Variants in TMEM108 observed in about 807,000 individuals in gnomAD.
TMEM108 encodes the protein cancer/testis antigen 124.
A neutral mutation model predicts 35.1 loss-of-function variants in TMEM108; 12 were observed. The ratio of observed to expected loss-of-function variants is 0.34; its 90% CI spans 0.22 to 0.55. TMEM108 has a LOEUF of 0.55. TMEM108 is among the 20% of genes least tolerant of loss of function. TMEM108 has a pLI of 0.89. For synonymous variants in TMEM108, 287 were observed against 308.6 expected (o/e 0.93, Z 0.73); for missense variants, 680 against 753.3 (o/e 0.90, Z 1.14).
intron 3 of TMEM108, among the ~76,000 whole-genome samples, chr3:133,370,213 A>C (rs2072618510): frequency 6.9e-6 from 1 of 145,382 alleles, no homozygotes; most frequent in Non-Finnish European, 1.5e-5. Context: ...ACCACATTAC[A>C]TTTAGTCTTC....
intron 2 of TMEM108, among the ~76,000 whole-genome samples, chr3:133,200,949 T>G (rs183143238): frequency 1.3e-3 from 193 of 152,314 alleles, no homozygotes; most frequent in African/African-American, 4.3e-3. Context: ...TATAGAACAT[T>G]TCTATCATCA....
intron 2 of TMEM108, among the ~76,000 whole-genome samples, chr3:133,081,392 T>C (rs1943808699): frequency 6.6e-6 from 1 of 152,202 alleles, no homozygotes; most frequent in African/African-American, 2.4e-5. Flanking sequence ...ATAAAGGCAC[T>C]AATCTCATCA....
chr3:133,140,863 A>G (rs1944631426), intron 2 of TMEM108, among the ~76,000 whole-genome samples: 1 of 152,112 alleles, frequency 6.6e-6, no homozygotes, highest in Non-Finnish European at 1.5e-5. Context: ...ATTTTTAATA[A>G]TTATATATTG....
intron 2 of TMEM108, among the ~76,000 whole-genome samples, chr3:133,118,567 A>G (rs1339103933): frequency 6.6e-6 from 1 of 152,196 alleles, no homozygotes; most frequent in Non-Finnish European, 1.5e-5. Context: ...TTTACTGAGA[A>G]ATAAAAATTT....
intron 2 of TMEM108, among the ~76,000 whole-genome samples, chr3:133,107,486 G>GTGTGTGTT (rs1245731388): frequency 6.7e-6 from 1 of 148,956 alleles, no homozygotes; most frequent in African/African-American, 2.5e-5. Flanking sequence ...GTGTGTGTGT[G>GTGTGTGTT]TGTGTGTGTG....
chr3:133,138,302 A>G (rs1047160739), intron 2 of TMEM108, among the ~76,000 whole-genome samples: 1 of 152,154 alleles, frequency 6.6e-6, no homozygotes, highest in African/African-American at 2.4e-5. Flanking sequence ...CTTACCCCAC[A>G]AGGAATGACT....
chr3:133,102,670 G>A (rs758828550), intron 2 of TMEM108, among the ~76,000 whole-genome samples: 13 of 152,198 alleles, frequency 8.5e-5, no homozygotes, highest in Non-Finnish European at 1.5e-4. Flanking sequence ...TCTTTAGCAA[G>A]TGGTATAAGC....
At chr3:133,369,654 T>A (rs1216198382) in intron 3 of TMEM108, among the ~76,000 whole-genome samples, 1 of 152,210 alleles carries the variant, frequency 6.6e-6, no homozygotes, top group African/African-American at 2.4e-5. Context: ...AGTCTTAGAA[T>A]TTTCCCTCCT....
intron 2 of TMEM108, among the ~76,000 whole-genome samples, chr3:133,093,627 T>C (rs1943975420): frequency 6.6e-6 from 1 of 152,242 alleles, no homozygotes; most frequent in Non-Finnish European, 1.5e-5. Context: ...GTAGACAGTC[T>C]ATCAGCTCAA....
intron 3 of TMEM108, among the ~76,000 whole-genome samples, chr3:133,353,302 A>G (rs890427041): frequency 1.3e-5 from 2 of 152,192 alleles, no homozygotes; most frequent in Non-Finnish European, 2.9e-5. Context: ...AGTTGAAGCT[A>G]TGGAGTACAA....
intron 2 of TMEM108, among the ~76,000 whole-genome samples, chr3:133,222,089 T>C (rs1040500958): frequency 6.6e-6 from 1 of 152,202 alleles, no homozygotes; most frequent in Non-Finnish European, 1.5e-5. Flanking sequence ...TAGCAGTTCT[T>C]GTAAGACACG....
intron 2 of TMEM108, among the ~76,000 whole-genome samples, chr3:133,137,701 G>C (rs1944584410): frequency 6.6e-6 from 1 of 152,138 alleles, no homozygotes; most frequent in Non-Finnish European, 1.5e-5. Context: ...ACAAATACAA[G>C]GATTTGGTCC....
chr3:133,108,565 A>G (rs1366351185), intron 2 of TMEM108, among the ~76,000 whole-genome samples: 2 of 151,256 alleles, frequency 1.3e-5, no homozygotes, highest in South Asian at 4.3e-4. Context: ...CCCATTTTGT[A>G]GGTTGCCTGT....
chr3:133,395,829 C>G, intron 5 of TMEM108, 35 bp from the exon 6 acceptor site: 1 of 1,510,532 alleles, frequency 6.6e-7, no homozygotes, highest in Non-Finnish European at 8.9e-7. Context: ...TAAGCCTTCT[C>G]CAGCTCACTC....
chr3:133,390,116 T>C (rs2073212303), intron 4 of TMEM108, 64 bp from the exon 5 acceptor site: 1 of 1,597,854 alleles, frequency 6.3e-7, no homozygotes, highest in African/African-American at 1.3e-5. Context: ...ATCAGTTCGG[T>C]GGTGCAACCC....
chr3:133,348,510 G>A (rs867492669), intron 3 of TMEM108, among the ~76,000 whole-genome samples: 2 of 152,082 alleles, frequency 1.3e-5, no homozygotes, highest in Admixed American at 6.6e-5. Flanking sequence ...GAGTGGAGGC[G>A]GGCAGTCCCT....
intron 2 of TMEM108, among the ~76,000 whole-genome samples, chr3:133,151,188 C>G (rs1050283159): frequency 1.1e-4 from 17 of 152,164 alleles, no homozygotes; most frequent in African/African-American, 3.6e-4. Flanking sequence ...GACATTGGCA[C>G]TTGACATGCT....
intron 3 of TMEM108, among the ~76,000 whole-genome samples, chr3:133,270,181 C>G (rs1037280723): frequency 9.9e-5 from 15 of 152,138 alleles, no homozygotes; most frequent in Admixed American, 1.3e-4. Context: ...TTTCCTTACT[C>G]GGCTCTATTT....
At chr3:133,388,855 C>A in intron 4 of TMEM108, 1 of 985,868 alleles carries the variant, frequency 1.0e-6, no homozygotes, top group African/African-American at 1.7e-5. Flanking sequence ...TGGCATGAAC[C>A]CACCCCTGAT....
Sources: gnomAD v4.1 joint callset for allele counts (sites outside exome capture counted in the v4.1 genomes callset) on GRCh38, gnomAD v4.1.1 for gene constraint, MANE v1.5 for transcripts, NCBI Gene and HGNC (gene_info 2026-07-23, HGNC 2026-07-21) for gene names.